ACVR1C: variants seen among roughly 807,000 people sequenced by gnomAD.
ACVR1C encodes activin A receptor type 1C.
ACVR1C carries 23 observed loss-of-function variants against 57.9 expected under a neutral mutation model. That is an observed-to-expected ratio of 0.40 (90% CI 0.29 to 0.56). The LOEUF is 0.56. Ranked by LOEUF, ACVR1C falls within the 20% of genes least tolerant of loss-of-function variation. ACVR1C has a pLI of 0.50. For missense variants in ACVR1C, 480 were observed against 607.9 expected (o/e 0.79, Z 2.21); for synonymous variants, 214 against 215.3 (o/e 0.99, Z 0.05).
chr2:157,592,669 AT>A (rs972161495), intron 1 of ACVR1C, among the ~76,000 whole-genome samples: 1 of 152,102 alleles, frequency 6.6e-6, no homozygotes, highest in South Asian at 2.1e-4. Flanking sequence ...ATATCACTGC[AT>A]TTGACATATA....
chr2:157,601,189 C>T (rs1682272362), intron 1 of ACVR1C, among the ~76,000 whole-genome samples: 1 of 151,896 alleles, frequency 6.6e-6, no homozygotes, highest in South Asian at 2.1e-4. Flanking sequence ...TGGTGGCAGG[C>T]TCCTGTAATC....
At chr2:157,588,848 C>CATATATATATATATATATATATATAT (rs71402394) in intron 1 of ACVR1C, among the ~76,000 whole-genome samples, 4 of 89,092 alleles carry the variant, frequency 4.5e-5, no homozygotes, top group Non-Finnish European at 9.6e-5. Context: ...ACAAACACAC[C>CATATATATATATATATATATATATAT]ATATATATAT....
intron 3 of ACVR1C, among the ~76,000 whole-genome samples, chr2:157,551,101 T>C (rs1267932472): frequency 2.0e-5 from 3 of 152,180 alleles, no homozygotes; most frequent in East Asian, 1.9e-4. Flanking sequence ...TTATTATTTA[T>C]AGGAATAAAA....
At chr2:157,534,140 CTTTT>C in intron 8 of ACVR1C, 97 bp from the exon 9 acceptor site, 49 of 839,962 alleles carry the variant, frequency 5.8e-5, no homozygotes, top group South Asian at 8.7e-5. Flanking sequence ...TGATGCTAAG[CTTTT>C]TTTTTTTTTT....
chr2:157,584,383 C>T (rs563348758), intron 2 of ACVR1C, among the ~76,000 whole-genome samples: 4 of 151,460 alleles, frequency 2.6e-5, no homozygotes, highest in Admixed American at 6.6e-5. Flanking sequence ...GGATTACAGT[C>T]GTGAGCCACC....
At chr2:157,556,470 T>C in intron 2 of ACVR1C, 138 bp from the exon 3 acceptor site, 1 of 1,128,128 alleles carries the variant, frequency 8.9e-7, no homozygotes, top group Non-Finnish European at 1.2e-6. Context: ...TGGTAAAGGC[T>C]CTCTGTGGTA....
At chr2:157,613,532 G>GACA (rs1160755418) in intron 1 of ACVR1C, among the ~76,000 whole-genome samples, 1 of 152,054 alleles carries the variant, frequency 6.6e-6, no homozygotes, top group Non-Finnish European at 1.5e-5. Flanking sequence ...CAACTGTATA[G>GACA]GATTCCATTC....
intron 2 of ACVR1C, among the ~76,000 whole-genome samples, chr2:157,557,732 C>A (rs1688138395): frequency 6.6e-6 from 1 of 152,144 alleles, no homozygotes; most frequent in African/African-American, 2.4e-5. Context: ...TAAATGTGAT[C>A]ATTGAAACCA....
intron 2 of ACVR1C, among the ~76,000 whole-genome samples, chr2:157,561,637 T>C (rs1688231482): frequency 6.6e-6 from 1 of 152,190 alleles, no homozygotes. Context: ...CGTTTATTAG[T>C]TCAATAGGAA....
At chr2:157,536,894 T>A (rs777118047) in intron 8 of ACVR1C, among the ~76,000 whole-genome samples, 1 of 152,188 alleles carries the variant, frequency 6.6e-6, no homozygotes, top group Non-Finnish European at 1.5e-5. Context: ...ATGTTGGGTC[T>A]ATTCCAAGAA....
At chr2:157,538,766 A>G in intron 7 of ACVR1C, 63 bp from the exon 8 acceptor site, 1 of 1,345,686 alleles carries the variant, frequency 7.4e-7, no homozygotes, top group Non-Finnish European at 9.7e-7. Context: ...TCTATTTTAA[A>G]TAATACCAAT....
chr2:157,554,387 GGAAGGAAGGAAGGAGAT>G (rs998622767), intron 3 of ACVR1C, among the ~76,000 whole-genome samples: 5 of 144,724 alleles, frequency 3.5e-5, no homozygotes, highest in African/African-American at 5.5e-5. Context: ...AGGGAGGGAA[GGAAGGAAGGAAGGAGAT>G]GAAGGAAGGA....
intron 2 of ACVR1C, among the ~76,000 whole-genome samples, chr2:157,559,386 T>A (rs999503814): frequency 2.0e-5 from 3 of 152,086 alleles, no homozygotes; most frequent in African/African-American, 7.2e-5. Context: ...TTAAACCTAA[T>A]GCTGATGATA....
At chr2:157,616,552 T>C (rs1367807986) in intron 1 of ACVR1C, among the ~76,000 whole-genome samples, 1 of 152,182 alleles carries the variant, frequency 6.6e-6, no homozygotes, top group African/African-American at 2.4e-5. Flanking sequence ...TCAGGTTCTA[T>C]TGAGTGCTCT....
intron 1 of ACVR1C, among the ~76,000 whole-genome samples, chr2:157,589,016 A>C (rs1688999725): frequency 6.6e-6 from 1 of 151,466 alleles, no homozygotes; most frequent in African/African-American, 2.4e-5. Flanking sequence ...GTGCTGAAAT[A>C]AACATACACC....
Position 157,528,099 on chromosome 2 carries a change from T to G in ACVR1C, c.*5819A>C, listed in dbSNP as rs1046386499. The G allele has an allele frequency of 6.6e-6, 1 of 152,232 alleles. No individual in the cohort carries two copies. Among genetic ancestry groups the G allele is most frequent in the Admixed American group, 6.5e-5 (1 of 15,272 alleles). 9.4% of individuals were successfully genotyped at this position (152,232 alleles called of 1,614,324 possible). Reference sequence around the variant, plus strand: ...TTAATTCTCATTTTCTGAAGATGTATAAGCCAGACCATTCTTTAAACACAT... The same window carrying G: ...TTAATTCTCATTTTCTGAAGATGTAGAAGCCAGACCATTCTTTAAACACAT... On this transcript the variant is annotated 3_prime_UTR_variant, in exon 9 of 9. Coordinates refer to ENST00000243349, the MANE Select transcript of ACVR1C (RefSeq NM_145259.3).
chr2:157,615,992 G>C (rs1682638840), intron 1 of ACVR1C, among the ~76,000 whole-genome samples: 1 of 152,122 alleles, frequency 6.6e-6, no homozygotes, highest in Non-Finnish European at 1.5e-5. Context: ...TGTAGGGTTT[G>C]GGAGGAGAGA....
intron 1 of ACVR1C, among the ~76,000 whole-genome samples, chr2:157,613,940 CT>C (rs1017726899): frequency 2.0e-5 from 3 of 152,088 alleles, no homozygotes; most frequent in African/African-American, 7.2e-5. Context: ...GACATTATTT[CT>C]TCCTAAAAAT....
At chr2:157,595,093 T>C (rs1035796756) in intron 1 of ACVR1C, among the ~76,000 whole-genome samples, 4 of 152,226 alleles carry the variant, frequency 2.6e-5, no homozygotes, top group African/African-American at 9.6e-5. Flanking sequence ...GCTGCTAAGC[T>C]CCTCCAGTGT....
Sources: allele counts gnomAD v4.1 joint callset (sites outside exome capture counted in the v4.1 genomes callset), GRCh38; gene constraint gnomAD v4.1.1; transcripts MANE v1.5; gene names NCBI Gene and HGNC (gene_info 2026-07-23, HGNC 2026-07-21).